The following LINGO3 variants were observed in gnomAD, a reference collection of about 807,000 sequenced individuals.
LINGO3 encodes leucine-rich repeat and immunoglobulin-like domain-containing nogo receptor-interacting protein 3.
For missense variants in LINGO3, 750 were observed against 867.7 expected (o/e 0.86, Z 1.70); for synonymous variants, 427 against 444.2 (o/e 0.96, Z 0.49).
At chr19:2,294,562 C>T (rs930260083), upstream of LINGO3, among the ~76,000 whole-genome samples, 4 of 151,894 alleles carry the variant, frequency 2.6e-5, no homozygotes, top group African/African-American at 9.7e-5. The surrounding 1 kb of genome is among the most constrained non-coding windows in gnomAD (Gnocchi z 4.3). Flanking sequence ...CGGCAGAGGC[C>T]CCGAGGTGTG....
chr19:2,294,132 G>A (rs1443400569), upstream of LINGO3, among the ~76,000 whole-genome samples: 1 of 152,220 alleles, frequency 6.6e-6, no homozygotes, highest in Non-Finnish European at 1.5e-5. This position sits in a 1 kb window ranked among gnomAD's most constrained non-coding sequence, Gnocchi z 4.3. Context: ...GGTCTTTACA[G>A]ATGTGCTCAG....
chr19:2,291,630 G>C, exon 1 of LINGO3: 2 of 1,453,462 alleles, frequency 1.4e-6, no homozygotes, highest in Non-Finnish European at 1.8e-6. Flanking sequence ...GGATGCCGTC[G>C]GGCACGGCGG....
chr19:2,292,022 T>C (rs994083552), exon 1 of LINGO3: 10 of 490,526 alleles, frequency 2.0e-5, no homozygotes, highest in Non-Finnish European at 3.5e-5. Flanking sequence ...CTCCCATCTC[T>C]ACAAAAAAAT....
chr19:2,294,709 G>A (rs2025557841), upstream of LINGO3, among the ~76,000 whole-genome samples: 1 of 152,004 alleles, frequency 6.6e-6, no homozygotes, highest in Admixed American at 6.6e-5. This position sits in a 1 kb window ranked among gnomAD's most constrained non-coding sequence, Gnocchi z 4.3. Flanking sequence ...GTGGGTCCTG[G>A]TAGCTGTGCC....
At chr19:2,287,893 T>G (rs555318655), downstream of LINGO3, among the ~76,000 whole-genome samples, 3 of 152,194 alleles carry the variant, frequency 2.0e-5, no homozygotes, top group Non-Finnish European at 4.4e-5. This position sits in a 1 kb window ranked among gnomAD's most constrained non-coding sequence, Gnocchi z 4.5. Context: ...AACCTCTTGG[T>G]TGGCAGCCAA....
upstream of LINGO3, among the ~76,000 whole-genome samples, chr19:2,294,379 G>A (rs1008724340): frequency 5.9e-5 from 9 of 152,300 alleles, no homozygotes; most frequent in Admixed American, 2.0e-4. This position sits in a 1 kb window ranked among gnomAD's most constrained non-coding sequence, Gnocchi z 4.3. Context: ...CCGGCCCTGC[G>A]GACACCTTGA....
At chr19:2,291,325 C>G in exon 1 of LINGO3, 1 of 1,613,132 alleles carries the variant, frequency 6.2e-7, no homozygotes, top group Non-Finnish European at 8.5e-7. Context: ...CCGGCGCAGG[C>G]TGTGCAGGTC....
upstream of LINGO3, among the ~76,000 whole-genome samples, chr19:2,296,546 T>G (rs561832408): frequency 6.6e-6 from 1 of 152,076 alleles, no homozygotes; most frequent in Admixed American, 6.5e-5. Context: ...TGGCATGATC[T>G]CAGCTCACTG....
At chr19:2,294,698 C>T (rs1032853681), upstream of LINGO3, among the ~76,000 whole-genome samples, 5 of 151,804 alleles carry the variant, frequency 3.3e-5, no homozygotes, top group South Asian at 2.1e-4. The surrounding 1 kb of genome is among the most constrained non-coding windows in gnomAD (Gnocchi z 4.3). Context: ...GCCAATGCTC[C>T]GTGGGTCCTG....
chr19:2,291,970 T>G (rs1043982200), exon 1 of LINGO3: 3 of 611,884 alleles, frequency 4.9e-6, no homozygotes, highest in Non-Finnish European at 9.1e-6. Flanking sequence ...AAGAATTGCT[T>G]GAGTTCAAGA....
the LINGO3 span, among the ~76,000 whole-genome samples, chr19:2,298,387 C>A: frequency 6.6e-6 from 1 of 151,224 alleles, no homozygotes; most frequent in Admixed American, 6.6e-5. Context: ...AGTGCCAGCA[C>A]ACCTGGTTAA....
chr19:2,308,118 G>C, the LINGO3 span, among the ~76,000 whole-genome samples: 2 of 142,016 alleles, frequency 1.4e-5, no homozygotes. Context: ...TGCGGCGCGG[G>C]GGCCGCCCGG....
chr19:2,294,270 A>G (rs911779163), upstream of LINGO3, among the ~76,000 whole-genome samples: 1 of 152,134 alleles, frequency 6.6e-6, no homozygotes, highest in African/African-American at 2.4e-5. The surrounding 1 kb of genome is among the most constrained non-coding windows in gnomAD (Gnocchi z 4.3). Flanking sequence ...ACACGGAGGC[A>G]GAGGCTAGGG....
Position 2,291,411 on chromosome 19 carries a change from G to C in LINGO3, c.366C>G (p.Phe122Leu). ...GCAGCGTGAGGTTGTCCAGGCGCGT[G>C]AAGACCCCGGGCGGGATGAGCTTCA... Residue 122 changes from phenylalanine (F) to leucine (L), a missense_variant, in exon 1 of 1, where the codon TTC (phenylalanine) becomes TTG (leucine). Coordinates refer to ENST00000585527, the Ensembl canonical transcript of LINGO3. 1.9e-6 allele frequency: 3 copies of C among 1,613,442 alleles called. No homozygotes were observed. The South Asian group carries it at 3.3e-5, about 18-fold the overall frequency.
At chr19:2,297,150 A>C in the LINGO3 span, among the ~76,000 whole-genome samples, 1 of 151,946 alleles carries the variant, frequency 6.6e-6, no homozygotes, top group African/African-American at 2.4e-5. Context: ...TCAGGCGAGA[A>C]ACATCCATCT....
upstream of LINGO3, among the ~76,000 whole-genome samples, chr19:2,293,300 G>A (rs1212521387): frequency 2.6e-5 from 4 of 151,400 alleles, no homozygotes; most frequent in Non-Finnish European, 5.9e-5. Flanking sequence ...TCCTGACCTC[G>A]TGATCCACCC....
the LINGO3 span, among the ~76,000 whole-genome samples, chr19:2,302,007 A>G: frequency 6.6e-6 from 1 of 150,472 alleles, no homozygotes; most frequent in African/African-American, 2.4e-5. Context: ...ACAACAGAGA[A>G]CAGAGGCCAG....
At chr19:2,297,947 G>A in the LINGO3 span, among the ~76,000 whole-genome samples, 8 of 151,818 alleles carry the variant, frequency 5.3e-5, no homozygotes, top group African/African-American at 1.9e-4. Flanking sequence ...GCCCAGTCTG[G>A]AATGGCAGGA....
the LINGO3 span, among the ~76,000 whole-genome samples, chr19:2,299,637 G>A: frequency 7.0e-4 from 105 of 150,198 alleles, no homozygotes; most frequent in African/African-American, 2.4e-3. Flanking sequence ...TGTTAGCCAG[G>A]ATGGTCTCGA....
Sources: gnomAD v4.1 joint callset for allele counts (sites outside exome capture counted in the v4.1 genomes callset) on GRCh38, gnomAD v4.1.1 for gene constraint, Gnocchi (gnomAD v3.1) non-coding constraint, MANE v1.5 for transcripts, NCBI Gene and HGNC (gene_info 2026-07-23, HGNC 2026-07-21) for gene names.